SUGCT: variants seen among roughly 807,000 people sequenced by gnomAD.
SUGCT encodes the protein succinyl-CoA:glutarate-CoA transferase, also known as succinyl-CoA:glutarate CoA-transferase.
In SUGCT, 41 loss-of-function variants were observed where a neutral mutation model predicts 55.0. The ratio of observed to expected loss-of-function variants is 0.74; its 90% CI spans 0.58 to 0.97. SUGCT has a LOEUF of 0.97. SUGCT is among the 50% of genes least tolerant of loss of function. The pLI is 0.00. For missense variants in SUGCT, 568 were observed against 547.8 expected (o/e 1.04, Z -0.37); for synonymous variants, 187 against 200.4 (o/e 0.93, Z 0.56).
the SUGCT span, among the ~76,000 whole-genome samples, chr7:40,994,694 C>T: frequency 3.3e-5 from 5 of 152,114 alleles, no homozygotes; most frequent in Non-Finnish European, 7.4e-5. Flanking sequence ...TTGAGAAGTG[C>T]GATTCCCAGG....
intron 12 of SUGCT, among the ~76,000 whole-genome samples, chr7:40,554,823 G>A (rs1795476606): frequency 6.6e-6 from 1 of 151,990 alleles, no homozygotes; most frequent in Non-Finnish European, 1.5e-5. Context: ...TGCAAAACTT[G>A]ACAATCATTT....
At chr7:40,439,967 T>A (rs1292317376) in intron 9 of SUGCT, among the ~76,000 whole-genome samples, 1 of 152,082 alleles carries the variant, frequency 6.6e-6, no homozygotes, top group African/African-American at 2.4e-5. Context: ...AGTCCTCATC[T>A]TACGCTCTGA....
chr7:40,166,792 CAGA>C (rs1175656556), intron 1 of SUGCT, among the ~76,000 whole-genome samples: 1 of 150,492 alleles, frequency 6.6e-6, no homozygotes, highest in African/African-American at 2.4e-5. Context: ...GAGGCTGAGG[CAGA>C]AGAATTGCTT....
intron 9 of SUGCT, among the ~76,000 whole-genome samples, chr7:40,343,739 C>T (rs2151182583): frequency 6.6e-6 from 1 of 152,178 alleles, no homozygotes; most frequent in African/African-American, 2.4e-5. Context: ...TCATTGCAAG[C>T]TCCGCCTCCC....
At chr7:40,619,730 A>G (rs1230363401) in intron 12 of SUGCT, among the ~76,000 whole-genome samples, 1 of 152,238 alleles carries the variant, frequency 6.6e-6, no homozygotes, top group Non-Finnish European at 1.5e-5. Flanking sequence ...TCAACCCAGT[A>G]AAGCCATTTA....
chr7:40,941,250 G>A, the SUGCT span, among the ~76,000 whole-genome samples: 3 of 152,128 alleles, frequency 2.0e-5, no homozygotes, highest in Admixed American at 2.0e-4. Context: ...ACACTTTGCT[G>A]TATCCCAGAG....
chr7:40,262,885 CA>C (rs1371657195), intron 7 of SUGCT, among the ~76,000 whole-genome samples: 1 of 152,118 alleles, frequency 6.6e-6, no homozygotes, highest in African/African-American at 2.4e-5. Flanking sequence ...CTAGTTGTAT[CA>C]TTTACTCTCT....
At chr7:40,681,500 C>G (rs963460380) in intron 12 of SUGCT, among the ~76,000 whole-genome samples, 3 of 152,098 alleles carry the variant, frequency 2.0e-5, no homozygotes, top group African/African-American at 7.2e-5. Flanking sequence ...GATACCACAC[C>G]GAGGTTTTGC....
chr7:40,383,888 C>T (rs1437249293), intron 9 of SUGCT, among the ~76,000 whole-genome samples: 6 of 152,134 alleles, frequency 3.9e-5, no homozygotes, highest in Non-Finnish European at 8.8e-5. Flanking sequence ...CTTTGTTTCT[C>T]CCTTCTGTAA....
At chr7:41,019,499 C>G in the SUGCT span, among the ~76,000 whole-genome samples, 65 of 152,302 alleles carry the variant, frequency 4.3e-4, no homozygotes, top group African/African-American at 1.4e-3. Flanking sequence ...GGAAATCCAA[C>G]CTGTTCATAT....
intron 9 of SUGCT, among the ~76,000 whole-genome samples, chr7:40,376,358 T>C (rs1371639953): frequency 4.6e-5 from 7 of 152,142 alleles, no homozygotes; most frequent in African/African-American, 1.7e-4. Context: ...AATATAGTTT[T>C]TCTATTTGCA....
chr7:40,168,283 C>T (rs866015027), intron 1 of SUGCT, among the ~76,000 whole-genome samples: 1 of 152,174 alleles, frequency 6.6e-6, no homozygotes, highest in African/African-American at 2.4e-5. Flanking sequence ...ACCACTCTAA[C>T]TGCTTCCTGC....
chr7:40,409,179 T>G (rs1308301582), intron 9 of SUGCT, among the ~76,000 whole-genome samples: 2 of 152,110 alleles, frequency 1.3e-5, no homozygotes, highest in Admixed American at 1.3e-4. Context: ...GGTCTCAAAC[T>G]TATGAACTCA....
chr7:40,576,622 C>T (rs1279068868), intron 12 of SUGCT, among the ~76,000 whole-genome samples: 2 of 152,128 alleles, frequency 1.3e-5, no homozygotes, highest in Non-Finnish European at 2.9e-5. Flanking sequence ...CTGGTAAACC[C>T]GACCAGAGGC....
At chr7:40,242,934 T>TATATATATATA (rs1491495282) in intron 7 of SUGCT, among the ~76,000 whole-genome samples, 35 of 17,986 alleles carry the variant, frequency 1.9e-3, no homozygotes, top group South Asian at 3.8e-3. Context: ...TATATATATA[T>TATATATATATA]TTTTTTTTTT....
At chr7:40,589,293 A>G (rs1797581028) in intron 12 of SUGCT, among the ~76,000 whole-genome samples, 1 of 152,150 alleles carries the variant, frequency 6.6e-6, no homozygotes, top group Non-Finnish European at 1.5e-5. Context: ...ACAATGCATG[A>G]GACTGGGTAA....
At chr7:40,830,155 A>C (rs6462989) in intron 13 of SUGCT, among the ~76,000 whole-genome samples, 50,272 of 151,902 alleles carry the variant, frequency 0.33, 8,798 homozygotes, top group East Asian at 0.53. Context: ...CCAGAGCCTC[A>C]TCTCAGGTCT....
At chr7:40,233,288 C>G (rs1330414048) in intron 6 of SUGCT, among the ~76,000 whole-genome samples, 1 of 152,052 alleles carries the variant, frequency 6.6e-6, no homozygotes, top group African/African-American at 2.4e-5. Flanking sequence ...GGCACGATCT[C>G]AGCTCACTGC....
chr7:40,394,533 A>T (rs1026758231), intron 9 of SUGCT, among the ~76,000 whole-genome samples: 1 of 152,242 alleles, frequency 6.6e-6, no homozygotes, highest in Non-Finnish European at 1.5e-5. Context: ...ATATGTATAC[A>T]TTGTAGAATG....
Sources: gnomAD v4.1 joint callset for allele counts (sites outside exome capture counted in the v4.1 genomes callset) on GRCh38, gnomAD v4.1.1 for gene constraint, MANE v1.5 for transcripts, NCBI Gene and HGNC (gene_info 2026-07-23, HGNC 2026-07-21) for gene names.